The following CUL3 variants were observed in gnomAD, a reference collection of about 807,000 sequenced individuals.
The protein encoded by CUL3 is cullin-3.
A neutral mutation model predicts 89.1 loss-of-function variants in CUL3; 19 were observed. The observed-to-expected ratio is 0.21, with a 90% CI of 0.15 to 0.31. The LOEUF (loss-of-function observed/expected upper bound fraction) is 0.31, where lower values mean the gene tolerates loss of function less well. Ranked by LOEUF, CUL3 falls within the 10% of genes least tolerant of loss-of-function variation. The pLI is 1.00. For missense variants in CUL3, 469 were observed against 942.3 expected (o/e 0.50, Z 6.58); for synonymous variants, 351 against 308.4 (o/e 1.14, Z -1.45).
intron 3 of CUL3, among the ~76,000 whole-genome samples, chr2:224,516,850 T>G (rs1471012183): frequency 6.6e-6 from 1 of 151,958 alleles, no homozygotes; most frequent in African/African-American, 2.4e-5. Flanking sequence ...TTTCACCATG[T>G]GGGCCAGGAT....
chr2:224,540,884 C>T (rs1694077964), intron 2 of CUL3, among the ~76,000 whole-genome samples: 1 of 152,092 alleles, frequency 6.6e-6, no homozygotes, highest in African/African-American at 2.4e-5. Context: ...GTTCAGCTCC[C>T]ACTTATGAGT....
intron 13 of CUL3, among the ~76,000 whole-genome samples, chr2:224,492,718 G>A (rs10933067): frequency 0.18 from 27,951 of 152,072 alleles, 2,900 homozygotes; most frequent in South Asian, 0.27. Flanking sequence ...AATGCCACCT[G>A]TTGTAGCCAG....
intron 1 of CUL3, 23 bp from the exon 2 acceptor site, chr2:224,557,879 G>GATAAA: frequency 1.3e-5 from 1 of 75,152 alleles, no homozygotes; most frequent in Non-Finnish European, 2.2e-5. Context: ...AGAGAGAGAA[G>GATAAA]AGACAAAAAA....
intron 1 of CUL3, among the ~76,000 whole-genome samples, chr2:224,564,754 CTT>C (rs1336505730): frequency 1.3e-5 from 2 of 152,112 alleles, no homozygotes; most frequent in Non-Finnish European, 2.9e-5. Context: ...GTCTAAAACT[CTT>C]GTTTCAACCA....
At chr2:224,558,697 G>T (rs1694803430) in intron 1 of CUL3, among the ~76,000 whole-genome samples, 2 of 152,110 alleles carry the variant, frequency 1.3e-5, no homozygotes, top group Admixed American at 1.3e-4. Flanking sequence ...ATATTATACA[G>T]AATGAAATTT....
At chr2:224,570,962 C>A (rs1412936914) in intron 1 of CUL3, among the ~76,000 whole-genome samples, 1 of 152,258 alleles carries the variant, frequency 6.6e-6, no homozygotes, top group East Asian at 1.9e-4. Context: ...GCTAAAAGTA[C>A]TAACAACTCT....
At chr2:224,557,187 C>T (rs1694739361) in intron 2 of CUL3, among the ~76,000 whole-genome samples, 1 of 151,828 alleles carries the variant, frequency 6.6e-6, no homozygotes, top group African/African-American at 2.4e-5. Context: ...ATGTGAACAG[C>T]CCAACAATAA....
intron 14 of CUL3, chr2:224,479,148 T>C (rs937478372): frequency 6.6e-6 from 1 of 152,210 alleles, no homozygotes; most frequent in Non-Finnish European, 1.5e-5. Flanking sequence ...GTGAAGTTTC[T>C]GGAGGTAGAA....
rs1441894457 is a variant in CUL3, at chr2:224,487,441, C to A, written c.1843-5363G>T. Among the ~76,000 whole-genome samples, 8 of 99,140 alleles carry A rather than the reference C, an allele frequency of 8.1e-5. No homozygotes were observed. The South Asian group carries it at 2.0e-3, about 25-fold the overall frequency. 65.0% of individuals were successfully genotyped at this position (99,140 alleles called of 152,430 possible). A position where few individuals can be genotyped will look rare whatever the true frequency, so the allele number is the denominator to read the frequency against. On this transcript the variant is annotated intron_variant, in intron 13 of 15. Transcript: ENST00000264414. ...AGGAATATTTACCAAGCCCGCCCCC[C>A]CCAAAAAAAAAAAAAAAAAAAAAAG... is the stretch of plus-strand genomic sequence containing the variant.
chr2:224,547,730 A>G (rs888429952), intron 2 of CUL3, among the ~76,000 whole-genome samples: 4 of 152,012 alleles, frequency 2.6e-5, no homozygotes, highest in Non-Finnish European at 4.4e-5. Context: ...TATATATTGT[A>G]TATATATATG....
intron 1 of CUL3, among the ~76,000 whole-genome samples, chr2:224,578,520 G>C (rs1695362596): frequency 6.6e-6 from 1 of 151,798 alleles, no homozygotes; most frequent in Non-Finnish European, 1.5e-5. Context: ...TTTTCTACCA[G>C]GAATATACAT....
intron 6 of CUL3, among the ~76,000 whole-genome samples, chr2:224,509,803 T>A (rs1692746076): frequency 6.6e-6 from 1 of 152,236 alleles, no homozygotes; most frequent in Non-Finnish European, 1.5e-5. Context: ...GTACATTACA[T>A]AATTTATCAA....
intron 14 of CUL3, among the ~76,000 whole-genome samples, chr2:224,480,654 T>C (rs949020817): frequency 6.6e-6 from 1 of 152,156 alleles, no homozygotes; most frequent in South Asian, 2.1e-4. Flanking sequence ...ACAAAGACAG[T>C]TACTTATTTA....
intron 1 of CUL3, 68 bp downstream of exon 1, chr2:224,584,876 C>G: frequency 7.9e-7 from 1 of 1,267,274 alleles, no homozygotes; most frequent in Non-Finnish European, 1.1e-6. Flanking sequence ...GACTTCAGCC[C>G]GGGCCTCGCG....
intron 8 of CUL3, among the ~76,000 whole-genome samples, chr2:224,505,144 T>G (rs1184183324): frequency 6.6e-6 from 1 of 151,616 alleles, no homozygotes; most frequent in African/African-American, 2.4e-5. Flanking sequence ...TTCAGTTTTT[T>G]TTTTTTTTTT....
chr2:224,566,703 A>G (rs1695047906), intron 1 of CUL3, among the ~76,000 whole-genome samples: 1 of 152,186 alleles, frequency 6.6e-6, no homozygotes, highest in South Asian at 2.1e-4. Context: ...TATATTCTCC[A>G]GCTTTAGATC....
At chr2:224,514,554 C>T (rs1692963316) in intron 4 of CUL3, 58 bp downstream of exon 4, 6 of 1,360,884 alleles carry the variant, frequency 4.4e-6, no homozygotes, top group Non-Finnish European at 5.1e-6. Flanking sequence ...GACAGTGAAT[C>T]GTTCTCAAGA....
chr2:224,538,154 C>T (rs1693961589), intron 2 of CUL3, among the ~76,000 whole-genome samples: 1 of 151,836 alleles, frequency 6.6e-6, no homozygotes, highest in Admixed American at 6.6e-5. Flanking sequence ...ATTATGCATA[C>T]ACACACACAC....
rs552646832 is a variant in CUL3, at chr2:224,558,779, A to G, written c.67-923T>C. Among the ~76,000 whole-genome samples the G allele has an allele frequency of 5.8e-4, 88 of 152,286 alleles. 1 individual carries two copies. The highest frequency in any genetic ancestry group is 2.0e-3 in the African/African-American group (85 of 41,558). ...CTCCCTTGGCTGGGCGCAGTGGCTCACGTCTGGAATCCCAGCACTATGGGA... is the reference window on the plus strand; with the variant it reads ...CTCCCTTGGCTGGGCGCAGTGGCTCGCGTCTGGAATCCCAGCACTATGGGA... On this transcript the variant is annotated intron_variant, in intron 1 of 15. Transcript: ENST00000264414.
Sources: allele counts gnomAD v4.1 joint callset (sites outside exome capture counted in the v4.1 genomes callset), GRCh38; gene constraint gnomAD v4.1.1; transcripts MANE v1.5; gene names NCBI Gene and HGNC (gene_info 2026-07-23, HGNC 2026-07-21).